Variants in STYK1 observed in about 807,000 individuals in gnomAD.
The protein encoded by STYK1 is tyrosine-protein kinase STYK1.
In STYK1, 46 loss-of-function variants were observed where a neutral mutation model predicts 48.1. That is an observed-to-expected ratio of 0.96 (90% CI 0.75 to 1.22). The LOEUF (loss-of-function observed/expected upper bound fraction) is 1.22, where lower values mean the gene tolerates loss of function less well. Ranked by LOEUF, STYK1 falls within the 50% of genes most tolerant of loss-of-function variation. The pLI, the probability that STYK1 is intolerant of heterozygous loss-of-function variation, is 0.00. For synonymous variants in STYK1, 188 were observed against 189.0 expected, an observed-to-expected ratio of 0.99 and a Z score of 0.04; for missense variants, 527 against 521.1, an observed-to-expected ratio of 1.01 and a Z score of -0.11.
chr12:10,640,453 C>T (rs1401622421), intron 1 of STYK1, among the ~76,000 whole-genome samples: 1 of 152,142 alleles, frequency 6.6e-6, no homozygotes, highest in Non-Finnish European at 1.5e-5. Flanking sequence ...AGGAGGTTAT[C>T]TAAGAGAGGT....
chr12:10,629,166 T>C lies in STYK1; in HGVS notation c.633+327A>G, dbSNP rs75290677. On this transcript the variant is annotated intron_variant, in intron 6 of 10. Coordinates refer to ENST00000075503, the MANE Select transcript of STYK1 (RefSeq NM_018423.3). ...AAGTCCATGCTCTAAACTTGTACTG[T>C]CCACTCTCTGCTCATTAGCCACCTG... 9.4e-3 allele frequency among the ~76,000 whole-genome samples: 1,429 copies of C among 152,340 alleles called. 13 individuals carry two copies. Among genetic ancestry groups the C allele is most frequent in the Middle Eastern group, 0.058 (17 of 294 alleles).
chr12:10,646,097 C>T (rs1486746837), intron 1 of STYK1, among the ~76,000 whole-genome samples: 1 of 152,126 alleles, frequency 6.6e-6, no homozygotes, highest in Non-Finnish European at 1.5e-5. Context: ...TGGATTAATA[C>T]AGTAAATTGG....
chr12:10,645,464 TA>T (rs140099221), intron 1 of STYK1, among the ~76,000 whole-genome samples: 2 of 151,746 alleles, frequency 1.3e-5, no homozygotes, highest in South Asian at 2.1e-4. Flanking sequence ...TCTCTCATTC[TA>T]AAAAAAACAA....
At chr12:10,632,585 G>C (rs907806036) in intron 4 of STYK1, among the ~76,000 whole-genome samples, 3 of 152,122 alleles carry the variant, frequency 2.0e-5, no homozygotes, top group African/African-American at 7.2e-5. Flanking sequence ...GTGTGGAAGA[G>C]AGATTTCAAG....
chr12:10,642,929 A>G (rs1947560863), intron 1 of STYK1, among the ~76,000 whole-genome samples: 1 of 152,196 alleles, frequency 6.6e-6, no homozygotes, highest in Admixed American at 6.5e-5. Context: ...TAAATTTTTC[A>G]GCTCCTTGTA....
intron 1 of STYK1, among the ~76,000 whole-genome samples, chr12:10,651,233 C>T (rs1423995348): frequency 6.6e-6 from 1 of 152,152 alleles, no homozygotes; most frequent in Non-Finnish European, 1.5e-5. Context: ...GGCTCACTCA[C>T]TTCTTTCCTT....
At chr12:10,663,141 G>A (rs1163389526) in intron 1 of STYK1, among the ~76,000 whole-genome samples, 1 of 152,040 alleles carries the variant, frequency 6.6e-6, no homozygotes, top group Non-Finnish European at 1.5e-5. Context: ...TAGAGATAAT[G>A]TCTCACTTTG....
intron 5 of STYK1, 146 bp downstream of exon 5, chr12:10,630,899 A>G: frequency 1.9e-6 from 2 of 1,055,860 alleles, no homozygotes; most frequent in Non-Finnish European, 1.4e-6. Flanking sequence ...ACCAAGAAAA[A>G]CATTTCTGCC....
At chr12:10,625,736 T>C (rs893776103) in intron 7 of STYK1, among the ~76,000 whole-genome samples, 1 of 152,208 alleles carries the variant, frequency 6.6e-6, no homozygotes, top group East Asian at 1.9e-4. Context: ...TCATAGGATG[T>C]ACTATATAAA....
intron 10 of STYK1, among the ~76,000 whole-genome samples, chr12:10,620,815 G>A (rs1299019990): frequency 6.6e-6 from 1 of 152,202 alleles, no homozygotes; most frequent in Admixed American, 6.5e-5. Context: ...GTGCCTAGAA[G>A]CTGCTGCTAG....
Position 10,663,598 on chromosome 12 carries a change from CAAAAAAAAAAAAAAAAAAAAAA to C in STYK1, c.-195+10346_-195+10367del, listed in dbSNP as rs34019110. On this transcript the variant is annotated intron_variant, in intron 1 of 10. Transcript: ENST00000075503. ...TGGGCGACAGAACGAGACTCTGTCT[CAAAAAAAAAAAAAAAAAAAAAA>C]AAAAAAAAAAAAAAAAATCATTAAG... Among the ~76,000 whole-genome samples the C allele has an allele frequency of 7.4e-4, 38 of 51,488 alleles. No homozygotes were observed. The East Asian group carries it at 0.012, about 17-fold the overall frequency. The allele number at this position is 51,488 out of a possible 152,430, so 33.8% of individuals were successfully genotyped here.
intron 8 of STYK1, among the ~76,000 whole-genome samples, chr12:10,623,673 CTT>C (rs1264073304): frequency 1.3e-5 from 2 of 152,040 alleles, no homozygotes; most frequent in East Asian, 3.9e-4. Flanking sequence ...AAAAGAAAGT[CTT>C]GTCAAATTGT....
intron 1 of STYK1, among the ~76,000 whole-genome samples, chr12:10,669,883 A>G (rs752491957): frequency 1.3e-5 from 2 of 152,236 alleles, no homozygotes; most frequent in Non-Finnish European, 2.9e-5. Flanking sequence ...AAAAATATTC[A>G]ACATCACTGA....
At chr12:10,634,726 A>G in intron 2 of STYK1, 40 bp from the exon 3 acceptor site, 4 of 1,264,256 alleles carry the variant, frequency 3.2e-6, no homozygotes, top group Non-Finnish European at 4.5e-6. Flanking sequence ...AAAATGAATG[A>G]AAAAAAATAA....
chr12:10,662,692 AT>A (rs541987228), intron 1 of STYK1, among the ~76,000 whole-genome samples: 5 of 150,624 alleles, frequency 3.3e-5, no homozygotes, highest in Admixed American at 1.3e-4. Context: ...ATCCTTTACC[AT>A]TTTTTTTTGA....
intron 1 of STYK1, among the ~76,000 whole-genome samples, chr12:10,653,297 C>T (rs571993978): frequency 1.1e-4 from 17 of 152,010 alleles, no homozygotes; most frequent in African/African-American, 3.6e-4. Context: ...AGGATGGTCT[C>T]GACCTTGGCC....
intron 7 of STYK1, among the ~76,000 whole-genome samples, chr12:10,626,702 A>T (rs1480700050): frequency 6.6e-6 from 1 of 152,090 alleles, no homozygotes; most frequent in Non-Finnish European, 1.5e-5. Flanking sequence ...TCTTTCTCTT[A>T]TCTCGTTATT....
At chr12:10,633,599 G>A (rs1947452376) in intron 4 of STYK1, among the ~76,000 whole-genome samples, 1 of 152,062 alleles carries the variant, frequency 6.6e-6, no homozygotes, top group Non-Finnish European at 1.5e-5. Context: ...ATATCCTGGA[G>A]GCAAAGATTA....
chr12:10,647,825 G>A (rs1591692299), intron 1 of STYK1, among the ~76,000 whole-genome samples: 1 of 152,118 alleles, frequency 6.6e-6, no homozygotes, highest in Non-Finnish European at 1.5e-5. Flanking sequence ...TTATAAAGGG[G>A]AGTTTCCCTG....
Sources: gnomAD v4.1 joint callset for allele counts (sites outside exome capture counted in the v4.1 genomes callset) on GRCh38, gnomAD v4.1.1 for gene constraint, MANE v1.5 for transcripts, NCBI Gene and HGNC (gene_info 2026-07-23, HGNC 2026-07-21) for gene names.